Variants in ZFHX2 observed in about 807,000 individuals in gnomAD.
ZFHX2 encodes zinc finger homeobox protein 2.
In ZFHX2, 75 loss-of-function variants were observed where a neutral mutation model predicts 164.8. That is an observed-to-expected ratio of 0.46 (90% confidence interval 0.38 to 0.55). The LOEUF (loss-of-function observed/expected upper bound fraction) is 0.55, where lower values mean the gene tolerates loss of function less well. ZFHX2 is among the 20% of genes least tolerant of loss of function. The pLI is 0.00. For missense variants in ZFHX2, 2,933 were observed against 3,308.0 expected (o/e 0.89, Z 2.78); for synonymous variants, 1,217 against 1,351.4 (o/e 0.90, Z 2.18).
rs555950298 is a variant in ZFHX2 at position 23,524,950 on chromosome 14, T to G, written c.4992A>C (p.Gly1664=). 3.6e-5 allele frequency: 56 copies of G among 1,536,182 alleles called. No individual in the cohort carries two copies. The highest frequency in any genetic ancestry group is 4.8e-5 in the Non-Finnish European group (55 of 1,146,898). Reference sequence around the variant, plus strand: ...TGCAGCCGGAGGCTCCCCCAGTGCCTCCTCCGGTTGGCATGGACCCACCCT... The same window carrying G: ...TGCAGCCGGAGGCTCCCCCAGTGCCGCCTCCGGTTGGCATGGACCCACCCT... ...ACEGGSMPTG[G]GTGGASGCRR... is the part of the protein sequence containing the mutation. The change falls in exon 9 of 10, where the codon GGA becomes GGC. Residue 1664 remains glycine, a synonymous_variant. Coordinates refer to ENST00000419474, the MANE Select transcript of ZFHX2 (RefSeq NM_033400.3). This position sits in a 1 kb window ranked among gnomAD's most constrained non-coding sequence, Gnocchi z 5.6.
At chr14:23,527,039 C>T (rs1878817641) in intron 7 of ZFHX2, 66 bp from the exon 8 acceptor site, 2 of 1,444,892 alleles carry the variant, frequency 1.4e-6, no homozygotes, top group Non-Finnish European at 1.8e-6. Flanking sequence ...ACTCCTGACC[C>T]ATCTGCCCTA....
chr14:23,526,082 C>T lies in ZFHX2; in HGVS notation c.3860G>A (p.Gly1287Glu), dbSNP rs1450925412. The change falls in exon 9 of 10, where the codon GGG (glycine) becomes GAG (glutamate). Residue 1287 changes from glycine to glutamate, a missense_variant. Coordinates refer to ENST00000419474, the MANE Select transcript of ZFHX2 (RefSeq NM_033400.3). ...GGGCTCTTCTTGGCTGCGTTCTGGC[C>T]CTTCAATCTTGGAATCAGTCTTGGT... ...RGTKTDSKIE[G>E]PERSQEEPKE... 1.3e-6 allele frequency: 2 copies of T among 1,536,380 alleles called. No homozygotes were observed. The highest frequency in any genetic ancestry group is 2.7e-5 in the African/African-American group (2 of 73,022).
intron 1 of ZFHX2, among the ~76,000 whole-genome samples, chr14:23,550,039 A>G (rs1282006116): frequency 6.6e-6 from 1 of 152,242 alleles, no homozygotes; most frequent in Admixed American, 6.5e-5. Flanking sequence ...AAAATATACA[A>G]TGATACAGTG....
In ZFHX2 at chr14:23,523,609, G is replaced by A. The variant is rs1379982960; in HGVS notation, c.6333C>T (p.Val2111=). ...CCTTGGCACGAGCATTCTGGAACCA[G>A]ACCTGGATGACTCTCTTGGGCAGCC... is the stretch of plus-strand genomic sequence containing the variant. ...EIGLPKRVIQ[V]WFQNARAKEK... The change falls in exon 9 of 10, where the codon GTC becomes GTT. Residue 2111 remains valine (V), a synonymous_variant. Coordinates refer to ENST00000419474, the MANE Select transcript of ZFHX2 (RefSeq NM_033400.3). The surrounding 1 kb of genome is among the most constrained non-coding windows in gnomAD (Gnocchi z 4.1). 1 of 1,556,812 alleles carries A rather than the reference G, an allele frequency of 6.4e-7. No individual in the cohort carries two copies. Among genetic ancestry groups the A allele is most frequent in the South Asian group, 1.2e-5 (1 of 85,992 alleles).
chr14:23,549,268 C>G lies in ZFHX2; in HGVS notation c.-50+2075G>C, dbSNP rs150401358. 6.8e-3 allele frequency among the ~76,000 whole-genome samples: 1,033 copies of G among 152,266 alleles called. 8 individuals carry two copies. The highest frequency in any genetic ancestry group is 0.012 in the Non-Finnish European group (833 of 68,032). On this transcript the variant is annotated intron_variant, in intron 1 of 9. Transcript: ENST00000419474. ...GATTTTCCTCCCTTCCTTTGCACAT[C>G]CCTCACGTCATACATTTCTCTACCC... is the stretch of plus-strand genomic sequence containing the variant.
In ZFHX2 at chr14:23,532,205, C is replaced by T. The variant is rs181569318; in HGVS notation, c.2559+362G>A. 205 of 198,368 alleles carry T rather than the reference C, an allele frequency of 1.0e-3. 3 individuals carry two copies. Among genetic ancestry groups the T allele is most frequent in the Non-Finnish European group, 2.7e-4 (27 of 99,252 alleles). 12.3% of individuals were successfully genotyped at this position (198,368 alleles called of 1,614,324 possible). ...CCTAAGTATTATTGCTTGCTCTCCC[C>T]AACCCTTTCTCTTTCTCCTACCACT... On this transcript the variant is annotated intron_variant, in intron 3 of 9. Transcript: ENST00000419474.
chr14:23,554,485 C>T (rs73589279), upstream of ZFHX2, among the ~76,000 whole-genome samples: 2,460 of 152,112 alleles, frequency 0.016, 73 homozygotes, highest in African/African-American at 0.057. Flanking sequence ...CAAGCTATCC[C>T]GCTGCCTCAA....
chr14:23,532,570 A>G lies in ZFHX2; in HGVS notation c.2556T>C (p.Tyr852=), dbSNP rs998376880. 7.6e-6 allele frequency: 11 copies of G among 1,439,186 alleles called. No individual in the cohort carries two copies. The highest frequency in any genetic ancestry group is 9.1e-6 in the Non-Finnish European group (10 of 1,099,858). 89.2% of individuals were successfully genotyped at this position (1,439,186 alleles called of 1,614,324 possible). Residue 852 remains tyrosine (Y), a synonymous_variant, in exon 3 of 10, where the codon TAT becomes TAC. Coordinates refer to ENST00000419474, the MANE Select transcript of ZFHX2 (RefSeq NM_033400.3). Reference sequence around the variant, plus strand: ...GCCCTTCCTGACCCAGCCTCACCTTATAGATTTGGCTGTTTTCTTCGTGGG... The same window carrying G: ...GCCCTTCCTGACCCAGCCTCACCTTGTAGATTTGGCTGTTTTCTTCGTGGG... ...GAAHEENSQI[Y]KFLLDMEGAE... is the part of the protein sequence containing the mutation.
chr14:23,522,750 T>C lies in ZFHX2; in HGVS notation c.6931A>G (p.Ser2311Gly). 6.5e-7 allele frequency: 1 copy of C among 1,536,468 alleles called. No individual in the cohort carries two copies. Among genetic ancestry groups the C allele is most frequent in the Non-Finnish European group, 8.7e-7 (1 of 1,146,934 alleles). ...PTEPLGDKVSSERKPVAGPTS... is the reference protein window; with the variant it reads ...PTEPLGDKVSGERKPVAGPTS... ...GGGCCTGCAACTGGCTTTCGCTCAC[T>C]GGAGACCTTGTCCCCCAAGGGCTCA... Residue 2311 changes from serine (S) to glycine (G), a missense_variant, in exon 10 of 10, where the codon AGT becomes GGT. Coordinates refer to ENST00000419474, the MANE Select transcript of ZFHX2 (RefSeq NM_033400.3).
chr14:23,525,538 T>A lies in ZFHX2; in HGVS notation c.4404A>T (p.Pro1468=). The change falls in exon 9 of 10, where the codon CCA becomes CCT. Residue 1468 remains proline, a synonymous_variant. Transcript: ENST00000419474. This position sits in a 1 kb window ranked among gnomAD's most constrained non-coding sequence, Gnocchi z 5.9. ...CACCCCCGAGGGCCTCAGGTGGGGG[T>A]GGGGTAGGGGGAGGGGGCACAGCTT... The part of the protein sequence containing the change: ...GKQAVPPPPT[P]PPPEALGGGD... 2.0e-6 allele frequency: 3 copies of A among 1,531,886 alleles called. No individual in the cohort carries two copies. Among genetic ancestry groups the A allele is most frequent in the Non-Finnish European group, 2.6e-6 (3 of 1,145,664 alleles). 94.9% of individuals were successfully genotyped at this position (1,531,886 alleles called of 1,614,324 possible).
At position 23,531,620 on chromosome 14, in the gene ZFHX2, T is replaced by C; in HGVS notation, c.2661A>G (p.Gln887=). ...WETPSRLAVL[Q]HLRTPAHRDA... ...CGCGGTGGGCAGGTGTGCGCAGGTG[T>C]TGCAGCACAGCCAAGCGGGAGGGTG... The change falls in exon 4 of 10, where the codon CAA becomes CAG. Residue 887 remains glutamine (Q), a synonymous_variant. Transcript: ENST00000419474. The C allele has an allele frequency of 6.6e-7, 1 of 1,523,370 alleles. No homozygotes were observed. Among genetic ancestry groups the C allele is most frequent in the South Asian group, 1.2e-5 (1 of 82,212 alleles). 94.4% of individuals were successfully genotyped at this position (1,523,370 alleles called of 1,614,324 possible).
chr14:23,553,235 T>A (rs1027149858), upstream of ZFHX2, among the ~76,000 whole-genome samples: 1 of 152,196 alleles, frequency 6.6e-6, no homozygotes, highest in Admixed American at 6.5e-5. Context: ...CATTTTGAGT[T>A]TATACTATGT....
At chr14:23,548,967 C>A (rs1881678640) in intron 1 of ZFHX2, among the ~76,000 whole-genome samples, 1 of 152,176 alleles carries the variant, frequency 6.6e-6, no homozygotes, top group Admixed American at 6.5e-5. Flanking sequence ...AAGCTCTGTG[C>A]AGCTCTGATC....
Position 23,534,104 on chromosome 14 carries a change from A to G in ZFHX2, c.1222T>C (p.Ser408Pro). 1 of 1,492,620 alleles carries G rather than the reference A, an allele frequency of 6.7e-7. No individual in the cohort carries two copies. Among genetic ancestry groups the G allele is most frequent in the Non-Finnish European group, 8.9e-7 (1 of 1,123,930 alleles). 92.5% of individuals were successfully genotyped at this position (1,492,620 alleles called of 1,614,324 possible). A position where few individuals can be genotyped will look rare whatever the true frequency, so the allele number is the denominator to read the frequency against. Residue 408 changes from serine (S) to proline (P), a missense_variant, in exon 2 of 10, where the codon TCC becomes CCC. Physicochemically the swap from Ser to Pro is moderately conservative, Grantham distance 74. Transcript: ENST00000419474. This position sits in a 1 kb window ranked among gnomAD's most constrained non-coding sequence, Gnocchi z 4.5. ...EGGTLPAPVG[S>P]PEDPSDPPQP... ...GGTGGGTCACTGGGGTCTTCGGGGG[A>G]GCCCACTGGGGCAGGGAGAGTGCCC...
chr14:23,533,156 G>T lies in ZFHX2; in HGVS notation c.2042-72C>A. On this transcript the variant is annotated intron_variant, in intron 2 of 9. Transcript: ENST00000419474. This position sits in a 1 kb window ranked among gnomAD's most constrained non-coding sequence, Gnocchi z 4.8. ...GGTTGGTTCTCTATGTGGGGAGGTGGGTTAATGAGTAGGATAGTGCTCAGA... is the reference window on the plus strand; with the variant it reads ...GGTTGGTTCTCTATGTGGGGAGGTGTGTTAATGAGTAGGATAGTGCTCAGA... 1 of 1,457,496 alleles carries T rather than the reference G, an allele frequency of 6.9e-7. No individual in the cohort carries two copies. The highest frequency in any genetic ancestry group is 9.0e-7 in the Non-Finnish European group (1 of 1,107,806). 90.3% of individuals were successfully genotyped at this position (1,457,496 alleles called of 1,614,324 possible).
At position 23,521,463 on chromosome 14, in the gene ZFHX2, C is replaced by G. The variant is rs1877976791; in HGVS notation, c.*499G>C. The stretch of plus-strand genomic sequence containing the variant: ...GAGTGGCGAAGTTTGTTTTCCTTCC[C>G]CCTTCTTTGCCTTGGGCTTTCTTTT... On this transcript the variant is annotated 3_prime_UTR_variant, in exon 10 of 10. Coordinates refer to ENST00000419474, the MANE Select transcript of ZFHX2 (RefSeq NM_033400.3). 1 of 154,252 alleles carries G rather than the reference C, an allele frequency of 6.5e-6. No individual in the cohort carries two copies. The highest frequency in any genetic ancestry group is 2.0e-4 in the South Asian group (1 of 4,986). 9.6% of individuals were successfully genotyped at this position (154,252 alleles called of 1,614,324 possible). A position where few individuals can be genotyped will look rare whatever the true frequency, so the allele number is the denominator to read the frequency against.
chr14:23,554,150 G>C (rs575577690), upstream of ZFHX2, among the ~76,000 whole-genome samples: 1 of 151,876 alleles, frequency 6.6e-6, no homozygotes, highest in Non-Finnish European at 1.5e-5. Context: ...GTCTGGCTCC[G>C]GAAACTGGTC....
chr14:23,553,513 C>T (rs184764306), upstream of ZFHX2, among the ~76,000 whole-genome samples: 180 of 147,714 alleles, frequency 1.2e-3, 1 homozygote, highest in African/African-American at 4.3e-3. Context: ...GCAGAAGAAT[C>T]GCTTGAACCC....
intron 6 of ZFHX2, 97 bp from the exon 7 acceptor site, chr14:23,527,901 CTTTTTTTTT>C (rs745574496): frequency 2.7e-5 from 12 of 448,954 alleles, no homozygotes; most frequent in Admixed American, 4.0e-5. Flanking sequence ...GCCCCCACTC[CTTTTTTTTT>C]TTTTTTTTTT....
Sources: gnomAD v4.1 joint callset for allele counts (sites outside exome capture counted in the v4.1 genomes callset) on GRCh38, gnomAD v4.1.1 for gene constraint, Gnocchi (gnomAD v3.1) non-coding constraint, MANE v1.5 for transcripts, NCBI Gene and HGNC (gene_info 2026-07-23, HGNC 2026-07-21) for gene names.